The following MACF1 variants were observed in gnomAD, a reference collection of about 807,000 sequenced individuals.
MACF1 encodes the protein microtubule-actin cross-linking factor 1.
MACF1 carries 193 observed loss-of-function variants against 854.8 expected under a neutral mutation model. The observed-to-expected ratio is 0.23, with a 90% CI of 0.20 to 0.25. The LOEUF (loss-of-function observed/expected upper bound fraction) is 0.25, where lower values mean the gene tolerates loss of function less well. Ranked by LOEUF, MACF1 falls within the 10% of genes least tolerant of loss-of-function variation. The pLI is 1.00. For missense variants in MACF1, 7,722 were observed against 8,929.1 expected (o/e 0.86, Z 5.45); for synonymous variants, 3,185 against 3,226.7 (o/e 0.99, Z 0.44).
In MACF1 at chr1:39,427,458, A is replaced by G. The variant is rs1376440509; in HGVS notation, c.16320A>G (p.Gln5440=). The G allele has an allele frequency of 3.1e-6, 5 of 1,613,566 alleles. No individual in the cohort carries two copies. In the African/African-American group the frequency reaches 5.3e-5, roughly 17 times the overall value. The change falls in exon 62 of 101, where the codon CAA becomes CAG. Residue 5440 remains glutamine (Q), a synonymous_variant. Coordinates refer to ENST00000564288, the MANE Select transcript of MACF1 (RefSeq NM_001394062.1). ...CTTGTTCTATATATTTGTGTAGGCA[A>G]AAACAGCTGGAAGACATCCTGGTTC... is the stretch of plus-strand genomic sequence containing the variant. ...TELLSKAAAR[Q]KQLEDILVLA...
chr1:39,324,351 A>G lies in MACF1; in HGVS notation c.4389+6A>G, dbSNP rs1289543843. The G allele has an allele frequency of 6.2e-7, 1 of 1,613,234 alleles. No homozygotes were observed. Among genetic ancestry groups the G allele is most frequent in the East Asian group, 2.2e-5 (1 of 44,858 alleles). Reference sequence around the variant, plus strand: ...AAGCTATTTTGGAACAGCAGGTGAGAAGAAGGTCCATCTCTGTTTACCTGG... The same window carrying G: ...AAGCTATTTTGGAACAGCAGGTGAGGAGAAGGTCCATCTCTGTTTACCTGG... On this transcript the variant is annotated splice_donor_region_variant and intron_variant, in intron 34 of 100. Transcript: ENST00000564288.
At chr1:39,296,780 G>GGA (rs370451952) in intron 20 of MACF1, among the ~76,000 whole-genome samples, 13,983 of 65,886 alleles carry the variant, frequency 0.21, 1,735 homozygotes, top group East Asian at 0.3. Context: ...GGAAAAGAAA[G>GGA]AAAGAAAGAA....
At chr1:39,311,073 T>C in intron 26 of MACF1, 73 bp downstream of exon 26, 2 of 1,509,382 alleles carry the variant, frequency 1.3e-6, no homozygotes, top group East Asian at 2.3e-5. Context: ...GGCAAGAGTA[T>C]GGCACCTAAG....
chr1:39,394,617 C>T (rs1569869866), intron 58 of MACF1, among the ~76,000 whole-genome samples: 1 of 151,720 alleles, frequency 6.6e-6, no homozygotes, highest in East Asian at 1.9e-4. Flanking sequence ...AAAGAGACTC[C>T]GTCTCCAAAA....
At chr1:39,373,712 G>T (rs1382784943) in intron 52 of MACF1, among the ~76,000 whole-genome samples, 1 of 151,506 alleles carries the variant, frequency 6.6e-6, no homozygotes, top group Non-Finnish European at 1.5e-5. Context: ...AATTAGCCAG[G>T]CCTGGTGGCT....
At chr1:39,405,595 G>A (rs561928987) in intron 58 of MACF1, among the ~76,000 whole-genome samples, 68 of 152,360 alleles carry the variant, frequency 4.5e-4, no homozygotes, top group African/African-American at 1.4e-3. Context: ...CCACCCGGCT[G>A]TCTTTCATTA....
chr1:39,120,059 T>A (rs1642658829), intron 2 of MACF1, among the ~76,000 whole-genome samples: 1 of 151,810 alleles, frequency 6.6e-6, no homozygotes, highest in South Asian at 2.1e-4. Flanking sequence ...AATTTTGTAT[T>A]TTTTAGTAGA....
chr1:39,296,397 G>C (rs1645900754), intron 20 of MACF1, among the ~76,000 whole-genome samples: 1 of 151,974 alleles, frequency 6.6e-6, no homozygotes, highest in Non-Finnish European at 1.5e-5. Context: ...AAAATATTAT[G>C]ACCTTTTTTT....
intron 2 of MACF1, among the ~76,000 whole-genome samples, chr1:39,135,818 A>G (rs187681793): frequency 5.3e-5 from 8 of 152,110 alleles, no homozygotes; most frequent in East Asian, 1.9e-4. Context: ...CAGTTTGTCT[A>G]TCTTGCTTCT....
At position 39,393,181 on chromosome 1, in the gene MACF1, TAAAA is replaced by T. The variant is rs1192045357; in HGVS notation, c.15816+4536_15816+4539del. 1.4e-3 allele frequency among the ~76,000 whole-genome samples: 123 copies of T among 90,248 alleles called. 1 individual carries two copies. The highest frequency in any genetic ancestry group is 6.1e-3 in the Middle Eastern group (1 of 164). 59.2% of individuals were successfully genotyped at this position (90,248 alleles called of 152,430 possible). On this transcript the variant is annotated intron_variant, in intron 58 of 100. Coordinates refer to ENST00000564288, the MANE Select transcript of MACF1 (RefSeq NM_001394062.1). ...CCTAGAGTGACCTTCCTGGGAAGGG[TAAAA>T]AAAAAAAAAAAATATATATATATAT...
At chr1:39,121,241 G>A (rs957922809) in intron 2 of MACF1, among the ~76,000 whole-genome samples, 4 of 152,134 alleles carry the variant, frequency 2.6e-5, no homozygotes, top group Admixed American at 6.6e-5. Context: ...TCAAGCTAAC[G>A]CCATATCTCC....
At chr1:39,170,599 T>C (rs1383722029) in intron 2 of MACF1, among the ~76,000 whole-genome samples, 6 of 152,192 alleles carry the variant, frequency 3.9e-5, no homozygotes, top group African/African-American at 1.2e-4. Context: ...AAATAAGATA[T>C]CAGTGAAACG....
Position 39,441,275 on chromosome 1 carries a change from A to G in MACF1, c.18622A>G (p.Lys6208Glu). 1.2e-6 allele frequency: 2 copies of G among 1,614,176 alleles called. No individual in the cohort carries two copies. Among genetic ancestry groups the G allele is most frequent in the African/African-American group, 2.7e-5 (2 of 75,050 alleles). Residue 6208 changes from lysine to glutamate, a missense_variant, in exon 74 of 101, where the codon AAA (lysine) becomes GAA (glutamate). Around this residue, in one of 15 missense-constraint regions of MACF1, gnomAD observed 2,807 missense variants for 3,235.8 expected, o/e 0.87. Coordinates refer to ENST00000564288, the MANE Select transcript of MACF1 (RefSeq NM_001394062.1). ...LNKTWKERLE[K>E]LEDAMQAAVQ... ...CAAAACATGGAAAGAGAGGCTAGAA[A>G]AACTTGAGGATGCTATGCAAGCTGC...
At position 39,312,588 on chromosome 1, in the gene MACF1, G is replaced by A. The variant is rs114509508; in HGVS notation, c.3270+1588G>A. Among the ~76,000 whole-genome samples, 879 of 152,228 alleles carry A rather than the reference G, an allele frequency of 5.8e-3. 10 individuals are homozygous for A. Among genetic ancestry groups the A allele is most frequent in the African/African-American group, 0.02 (821 of 41,530 alleles). On this transcript the variant is annotated intron_variant, in intron 26 of 100. Coordinates refer to ENST00000564288, the MANE Select transcript of MACF1 (RefSeq NM_001394062.1). ...GTCTGTAATCCTAGCACTTTGGGAG[G>A]CTGATGTAGGCGGATTGCATGAGAC... is the stretch of plus-strand genomic sequence containing the variant.
chr1:39,123,728 T>G (rs1446876177), intron 2 of MACF1, among the ~76,000 whole-genome samples: 2 of 141,796 alleles, frequency 1.4e-5, no homozygotes, highest in African/African-American at 2.6e-5. Flanking sequence ...TTTTTTTTTT[T>G]TTTTTTTTTG....
At chr1:39,286,906 T>G (rs1047917511) in intron 14 of MACF1, among the ~76,000 whole-genome samples, 2 of 152,238 alleles carry the variant, frequency 1.3e-5, no homozygotes, top group African/African-American at 4.8e-5. Context: ...TCACCTTGTA[T>G]TCATATAACA....
chr1:39,284,874 G>T (rs921009538), intron 11 of MACF1, among the ~76,000 whole-genome samples: 7 of 152,196 alleles, frequency 4.6e-5, no homozygotes, highest in African/African-American at 1.7e-4. Context: ...CTTAGAGTAG[G>T]TAGTCCCTAC....
At chr1:39,165,143 A>T (rs1214771567) in intron 2 of MACF1, among the ~76,000 whole-genome samples, 1 of 152,132 alleles carries the variant, frequency 6.6e-6, no homozygotes, top group Non-Finnish European at 1.5e-5. Context: ...AGCAGTTAGG[A>T]TAGTGGAAAA....
At chr1:39,123,712 G>GTT (rs1206815949) in intron 2 of MACF1, among the ~76,000 whole-genome samples, 10 of 77,482 alleles carry the variant, frequency 1.3e-4, no homozygotes, top group African/African-American at 3.0e-4. Flanking sequence ...GCTAATTCTT[G>GTT]TTTTGTTTTT....
Sources: gnomAD v4.1 joint callset for allele counts (sites outside exome capture counted in the v4.1 genomes callset) on GRCh38, gnomAD v4.1.1 for gene constraint, gnomAD v4.1.1 regional missense constraint, MANE v1.5 for transcripts, NCBI Gene and HGNC (gene_info 2026-07-23, HGNC 2026-07-21) for gene names.